The following RBFOX1 variants were observed in gnomAD, a reference collection of about 807,000 sequenced individuals.
RBFOX1 encodes the protein RNA binding fox-1 homolog 1, also known as RNA binding protein fox-1 homolog 1.
Under a neutral mutation model 57.7 loss-of-function variants are expected in RBFOX1, and 8 were observed. The ratio of observed to expected loss-of-function variants is 0.14; its 90% CI spans 0.08 to 0.25. The LOEUF is 0.25. RBFOX1 is among the 10% of genes least tolerant of loss of function. RBFOX1 has a pLI of 1.00. For missense variants in RBFOX1, 611 were observed against 548.5 expected (o/e 1.11, Z -1.14); for synonymous variants, 326 against 222.4 (o/e 1.47, Z -4.15).
At chr16:6,873,656 A>G (rs2061338496) in intron 3 of RBFOX1, among the ~76,000 whole-genome samples, 1 of 152,222 alleles carries the variant, frequency 6.6e-6, no homozygotes, top group African/African-American at 2.4e-5. Flanking sequence ...CTCTGCATTC[A>G]TAGGTTTAGA....
chr16:6,588,382 A>G (rs1004048602), intron 2 of RBFOX1, among the ~76,000 whole-genome samples: 3 of 147,018 alleles, frequency 2.0e-5, no homozygotes, highest in African/African-American at 7.5e-5. Flanking sequence ...GCTGGGTGCG[A>G]TGGCTCACGC....
At chr16:6,887,138 T>C (rs1302509474) in intron 3 of RBFOX1, among the ~76,000 whole-genome samples, 1 of 152,216 alleles carries the variant, frequency 6.6e-6, no homozygotes. Context: ...TACATTGTTA[T>C]TGTTGACTCT....
intron 3 of RBFOX1, among the ~76,000 whole-genome samples, chr16:6,783,677 A>G (rs1267985697): frequency 1.3e-5 from 2 of 152,094 alleles, no homozygotes; most frequent in Non-Finnish European, 2.9e-5. Context: ...TGAGGGCTTT[A>G]CATACAATTA....
intron 2 of RBFOX1, among the ~76,000 whole-genome samples, chr16:6,611,223 T>G (rs113706200): frequency 6.9e-4 from 105 of 152,288 alleles, no homozygotes; most frequent in African/African-American, 2.5e-3. Context: ...CTAGGATCAC[T>G]GCAACCTCCG....
Position 7,710,793 on chromosome 16 carries a change from C to A in RBFOX1, c.*48C>A. 2 of 1,460,722 alleles carry A rather than the reference C, an allele frequency of 1.4e-6. No homozygotes were observed. The highest frequency in any genetic ancestry group is 2.5e-5 in the East Asian group (1 of 40,246). The allele number at this position is 1,460,722 out of a possible 1,614,324, so 90.5% of individuals were successfully genotyped here. A position where few individuals can be genotyped will look rare whatever the true frequency, so the allele number is the denominator to read the frequency against. ...CCAATGTGGGGAGAAAGGAAGCTTTCCGAGGCCTGAGTATTGCAATACATG... is the reference window on the plus strand; with the variant it reads ...CCAATGTGGGGAGAAAGGAAGCTTTACGAGGCCTGAGTATTGCAATACATG... On this transcript the variant is annotated 3_prime_UTR_variant, in exon 16 of 16. Transcript: ENST00000550418.
chr16:6,871,776 C>T (rs554272850), intron 3 of RBFOX1, among the ~76,000 whole-genome samples: 25 of 152,192 alleles, frequency 1.6e-4, no homozygotes, highest in Admixed American at 5.2e-4. Context: ...CTCTACCTTC[C>T]GCTGATTTTA....
chr16:5,255,388 GCATA>G (rs2062566603), intron 1 of RBFOX1, among the ~76,000 whole-genome samples: 1 of 94,372 alleles, frequency 1.1e-5, no homozygotes, highest in Admixed American at 1.1e-4. Flanking sequence ...ATCCAGACAT[GCATA>G]CATCCATCCA....
chr16:7,285,441 T>C (rs2037473840), intron 4 of RBFOX1, among the ~76,000 whole-genome samples: 1 of 151,912 alleles, frequency 6.6e-6, no homozygotes, highest in South Asian at 2.1e-4. Context: ...TTTTGTAGAA[T>C]TTTACCGCAC....
At chr16:7,375,502 T>C (rs931333487) in intron 4 of RBFOX1, among the ~76,000 whole-genome samples, 4 of 151,408 alleles carry the variant, frequency 2.6e-5, no homozygotes, top group African/African-American at 4.9e-5. Context: ...GGTTTTGTTT[T>C]TTTGTTTTTT....
chr16:7,398,744 C>A (rs945694496), intron 4 of RBFOX1, among the ~76,000 whole-genome samples: 1 of 152,208 alleles, frequency 6.6e-6, no homozygotes, highest in Non-Finnish European at 1.5e-5. Context: ...AGTCTGACTA[C>A]AAATCCCAGC....
chr16:7,109,963 T>C (rs1409743203), intron 4 of RBFOX1, among the ~76,000 whole-genome samples: 3 of 152,096 alleles, frequency 2.0e-5, no homozygotes, highest in African/African-American at 7.2e-5. Context: ...ATAGGGGTTA[T>C]TAAGGACACT....
chr16:6,867,021 A>G (rs1417148811), intron 3 of RBFOX1, among the ~76,000 whole-genome samples: 1 of 123,282 alleles, frequency 8.1e-6, no homozygotes, highest in Non-Finnish European at 1.8e-5. Flanking sequence ...TTCTTTAAAA[A>G]AAAAAAAAAA....
rs191164624 is a variant in RBFOX1 at position 7,570,776 on chromosome 16, C to A, written c.271-9001C>A. On this transcript the variant is annotated intron_variant, in intron 5 of 15. Coordinates refer to ENST00000550418, the MANE Select transcript of RBFOX1 (RefSeq NM_018723.4). ...AATATAAATCATTCTGTTACAGACACACATACACATGTATGTTCACTGCAG... is the reference window on the plus strand; with the variant it reads ...AATATAAATCATTCTGTTACAGACAAACATACACATGTATGTTCACTGCAG... Among the ~76,000 whole-genome samples the A allele has an allele frequency of 2.6e-5, 4 of 152,268 alleles. No homozygotes were observed. The East Asian group carries it at 7.7e-4, about 29-fold the overall frequency.
intron 3 of RBFOX1, among the ~76,000 whole-genome samples, chr16:6,710,916 G>C (rs2063600559): frequency 6.6e-6 from 1 of 152,194 alleles, no homozygotes; most frequent in African/African-American, 2.4e-5. Flanking sequence ...TAGAAGACAG[G>C]GAGGGGATGA....
intron 1 of RBFOX1, among the ~76,000 whole-genome samples, chr16:6,310,581 C>T (rs1256939945): frequency 6.6e-6 from 1 of 152,158 alleles, no homozygotes; most frequent in African/African-American, 2.4e-5. Flanking sequence ...AACTGAAGCT[C>T]CAAGCGGTCA....
chr16:6,016,389 T>G (rs574089015), upstream of RBFOX1, among the ~76,000 whole-genome samples: 2 of 152,056 alleles, frequency 1.3e-5, no homozygotes, highest in Non-Finnish European at 2.9e-5. Context: ...AGGAACAACA[T>G]ATACAAAAGA....
chr16:6,212,125 T>G (rs964310812), intron 1 of RBFOX1, among the ~76,000 whole-genome samples: 2 of 152,138 alleles, frequency 1.3e-5, no homozygotes, highest in African/African-American at 4.8e-5. Context: ...CCCAATGTGT[T>G]GAGATTACAG....
intron 3 of RBFOX1, among the ~76,000 whole-genome samples, chr16:6,828,187 C>A (rs534906763): frequency 6.6e-6 from 1 of 152,094 alleles, no homozygotes; most frequent in Admixed American, 6.5e-5. Context: ...CTCAGCACTT[C>A]CCTTGCCCGT....
At chr16:6,604,228 C>T (rs760552990) in intron 2 of RBFOX1, among the ~76,000 whole-genome samples, 6 of 152,050 alleles carry the variant, frequency 3.9e-5, no homozygotes, top group Non-Finnish European at 5.9e-5. Context: ...AAGTAGGGAG[C>T]CATGATAGGT....
Sources: gnomAD v4.1 joint callset for allele counts (sites outside exome capture counted in the v4.1 genomes callset) on GRCh38, gnomAD v4.1.1 for gene constraint, MANE v1.5 for transcripts, NCBI Gene and HGNC (gene_info 2026-07-23, HGNC 2026-07-21) for gene names.